TES: variants seen among roughly 807,000 people sequenced by gnomAD.
The protein encoded by TES is testin.
In TES, 41 loss-of-function variants were observed where a neutral mutation model predicts 48.2. The ratio of observed to expected loss-of-function variants is 0.85; its 90% CI spans 0.66 to 1.10. The LOEUF is 1.10. TES is among the 50% of genes least tolerant of loss of function. TES has a pLI of 0.00. For missense variants in TES, 463 were observed against 515.1 expected (o/e 0.90, Z 0.98); for synonymous variants, 162 against 174.9 (o/e 0.93, Z 0.58).
Position 116,250,507 on chromosome 7 carries a change from T to A in TES, c.702+11T>A. ...AAAAGAACTCAATATGTAAGTAGAG[T>A]GGTCACACTGTTAGCCTGATTTGTA... On this transcript the variant is annotated intron_variant, in intron 4 of 6. Transcript: ENST00000358204. 1 of 1,501,404 alleles carries A rather than the reference T, an allele frequency of 6.7e-7. No homozygotes were observed. Among genetic ancestry groups the A allele is most frequent in the Non-Finnish European group, 8.9e-7 (1 of 1,126,308 alleles). The allele number at this position is 1,501,404 out of a possible 1,614,324, so 93.0% of individuals were successfully genotyped here. A position where few individuals can be genotyped will look rare whatever the true frequency, so the allele number is the denominator to read the frequency against.
intron 1 of TES, among the ~76,000 whole-genome samples, chr7:116,226,376 A>G (rs1266886198): frequency 2.0e-5 from 3 of 152,154 alleles, no homozygotes; most frequent in Non-Finnish European, 4.4e-5. Flanking sequence ...AGTTACTGAC[A>G]TTAGAATTGA....
chr7:116,233,579 G>A (rs892412228), intron 1 of TES, among the ~76,000 whole-genome samples: 21 of 152,096 alleles, frequency 1.4e-4, no homozygotes, highest in Admixed American at 9.8e-4. Flanking sequence ...TTTCAAAAAT[G>A]GCAAATCATA....
intron 6 of TES, among the ~76,000 whole-genome samples, chr7:116,256,432 A>G (rs995188349): frequency 6.6e-6 from 1 of 152,208 alleles, no homozygotes; most frequent in Non-Finnish European, 1.5e-5. Flanking sequence ...TAAAACAAAA[A>G]CTTTAAGACA....
rs1800015427 is a variant in TES, at chr7:116,251,809, A to G, written c.752A>G (p.Tyr251Cys). 1.9e-6 allele frequency: 3 copies of G among 1,614,114 alleles called. No individual in the cohort carries two copies. The highest frequency in any genetic ancestry group is 2.5e-6 in the Non-Finnish European group (3 of 1,180,050). Residue 251 changes from tyrosine (Y) to cysteine (C), a missense_variant, in exon 5 of 7, where the codon TAT becomes TGT. By Grantham distance (194) the Tyr-to-Cys change is radical. Coordinates refer to ENST00000358204, the MANE Select transcript of TES (RefSeq NM_015641.4). Reference protein sequence around the residue: ...LSMKEGDPAIYAERAGYDKLW... With the variant: ...LSMKEGDPAICAERAGYDKLW... ...ATGAAAGAAGGTGACCCAGCCATCT[A>G]TGCCGAAAGGGCTGGCTATGATAAA...
chr7:116,229,033 T>TATATATATATATATATATATATATATA (rs1417517023), intron 1 of TES, among the ~76,000 whole-genome samples: 8 of 115,494 alleles, frequency 6.9e-5, no homozygotes, highest in East Asian at 3.0e-4. Context: ...TATATATATA[T>TATATATATATATATATATATATATATA]AATCATTTCC....
chr7:116,243,052 A>G (rs916588583), intron 2 of TES, among the ~76,000 whole-genome samples: 5 of 152,042 alleles, frequency 3.3e-5, no homozygotes, highest in African/African-American at 7.2e-5. Context: ...AGTTTCTGCT[A>G]TTCTCTTTAT....
intron 5 of TES, 27 bp from the exon 6 acceptor site, chr7:116,252,291 C>A (rs548768722): frequency 6.3e-7 from 1 of 1,583,948 alleles, no homozygotes; most frequent in East Asian, 2.3e-5. Context: ...ATATAAAAAT[C>A]CATCTTTATT....
At position 116,249,102 on chromosome 7, in the gene TES, CT is replaced by C. The variant is rs748622422; in HGVS notation, c.201del (p.Phe67LeufsTer9). ...SNEEDRKVGK[L>X]FEDTKYTTLI... ...TGAAGAGGATCGAAAAGTGGGAAAA[CT>C]TTTTGAAGACACCAAGTATACCACT... On this transcript the variant is annotated frameshift_variant, in exon 3 of 7. Transcript: ENST00000358204. LOFTEE classifies it high-confidence loss of function. The C allele has an allele frequency of 1.1e-5, 17 of 1,613,864 alleles. No homozygotes were observed. The highest frequency in any genetic ancestry group is 5.0e-5 in the Admixed American group (3 of 59,990).
chr7:116,215,492 G>A (rs572713463), intron 1 of TES, among the ~76,000 whole-genome samples: 1 of 152,200 alleles, frequency 6.6e-6, no homozygotes, highest in South Asian at 2.1e-4. Context: ...CAAAGTATAC[G>A]AAAAGTAAAA....
intron 1 of TES, among the ~76,000 whole-genome samples, chr7:116,214,356 A>G (rs1465141206): frequency 1.3e-5 from 2 of 152,212 alleles, no homozygotes; most frequent in Non-Finnish European, 2.9e-5. Context: ...TGCCTTAGGT[A>G]GCCCCTGGTT....
chr7:116,253,772 G>A (rs1046494940), intron 6 of TES, among the ~76,000 whole-genome samples: 2 of 151,368 alleles, frequency 1.3e-5, no homozygotes, highest in Non-Finnish European at 2.9e-5. Flanking sequence ...ACTTTTTTTC[G>A]GAACACCTTT....
At chr7:116,255,673 A>G (rs1800088289) in intron 6 of TES, among the ~76,000 whole-genome samples, 1 of 152,184 alleles carries the variant, frequency 6.6e-6, no homozygotes, top group South Asian at 2.1e-4. Flanking sequence ...AAGAAGATAG[A>G]TCATGGTCTG....
intron 6 of TES, among the ~76,000 whole-genome samples, chr7:116,253,308 A>G (rs3807979): frequency 0.22 from 32,754 of 152,132 alleles, 4,021 homozygotes; most frequent in East Asian, 0.43. Context: ...TTTTATGTCA[A>G]TGCCAATTTT....
intron 2 of TES, among the ~76,000 whole-genome samples, chr7:116,238,560 C>T (rs1310940235): frequency 1.3e-5 from 2 of 151,344 alleles, no homozygotes; most frequent in African/African-American, 4.9e-5. Flanking sequence ...CAAGTTAAAG[C>T]AACAACTGTT....
At chr7:116,257,244 C>T (rs960083443) in intron 6 of TES, 50 bp from the exon 7 acceptor site, 2 of 1,488,908 alleles carry the variant, frequency 1.3e-6, no homozygotes, top group Non-Finnish European at 1.8e-6. Context: ...GAAAATGTTA[C>T]CATTACAGCT....
Position 116,221,658 on chromosome 7 carries a change from G to A in TES, c.27+10924G>A, listed in dbSNP as rs184001253. Among the ~76,000 whole-genome samples, 12 of 152,246 alleles carry A rather than the reference G, an allele frequency of 7.9e-5. No individual in the cohort carries two copies. In the East Asian group the frequency reaches 2.3e-3, roughly 29 times the overall value. On this transcript the variant is annotated intron_variant, in intron 1 of 6. Transcript: ENST00000358204. ...TCTTACAGAAGACTGTCCCCACTCTGAATTACTCTCATATTCCTCTGTACA... is the reference window on the plus strand; with the variant it reads ...TCTTACAGAAGACTGTCCCCACTCTAAATTACTCTCATATTCCTCTGTACA...
chr7:116,251,965 G>A lies in TES; in HGVS notation c.908G>A (p.Gly303Asp). The change falls in exon 5 of 7, where the codon GGC (glycine) becomes GAC (aspartate). Residue 303 changes from glycine (G) to aspartate (D), a missense_variant. Gly to Asp is a moderately conservative substitution (Grantham distance 94, BLOSUM62 -1). Transcript: ENST00000358204. ...GACAGCGAGAAACCCCGATGTGCTG[G>A]CTGTGACGAGGTATGTTCTATGGGA... ...YCDSEKPRCA[G>D]CDELIFSNEY... 2 of 1,614,174 alleles carry A rather than the reference G, an allele frequency of 1.2e-6. No individual in the cohort carries two copies. The highest frequency in any genetic ancestry group is 1.7e-6 in the Non-Finnish European group (2 of 1,180,024).
chr7:116,225,395 A>T (rs1372319356), intron 1 of TES, among the ~76,000 whole-genome samples: 2 of 152,162 alleles, frequency 1.3e-5, no homozygotes, highest in African/African-American at 4.8e-5. Flanking sequence ...GCCTTAAGAA[A>T]TGTAGGGATA....
In TES at chr7:116,258,619, G is replaced by A. The variant is rs546478530; in HGVS notation, c.*1137G>A. 9.2e-5 allele frequency: 14 copies of A among 152,628 alleles called. No homozygotes were observed. The South Asian group carries it at 2.3e-3, about 25-fold the overall frequency. The allele number at this position is 152,628 out of a possible 1,614,324, so 9.5% of individuals were successfully genotyped here. ...GGATCCTGTTTTATAATACTTCCAAGCCTGTCCATGGATATATCAAATGTC... is the reference window on the plus strand; with the variant it reads ...GGATCCTGTTTTATAATACTTCCAAACCTGTCCATGGATATATCAAATGTC... On this transcript the variant is annotated 3_prime_UTR_variant, in exon 7 of 7. Transcript: ENST00000358204.
Sources: allele counts gnomAD v4.1 joint callset (sites outside exome capture counted in the v4.1 genomes callset), GRCh38; gene constraint gnomAD v4.1.1; transcripts MANE v1.5; gene names NCBI Gene and HGNC (gene_info 2026-07-23, HGNC 2026-07-21).